The following SFI1 variants were observed in gnomAD, a reference collection of about 807,000 sequenced individuals.
The protein encoded by SFI1 is SFI1 centrin binding protein.
In SFI1, 195 loss-of-function variants were observed where a neutral mutation model predicts 207.5. The observed-to-expected ratio is 0.94, with a 90% CI of 0.84 to 1.06. The LOEUF (loss-of-function observed/expected upper bound fraction) is 1.06, where lower values mean the gene tolerates loss of function less well. SFI1 is among the 50% of genes least tolerant of loss of function. The pLI is 0.00. For missense variants in SFI1, 1,634 were observed against 1,588.0 expected, an observed-to-expected ratio of 1.03 and a Z score of -0.49; for synonymous variants, 630 against 598.9, an observed-to-expected ratio of 1.05 and a Z score of -0.76.
chr22:31,584,968 G>A (rs1223685964), intron 13 of SFI1, 100 bp from the exon 14 acceptor site: 23 of 833,700 alleles, frequency 2.8e-5, no homozygotes, highest in Non-Finnish European at 4.0e-5. Context: ...AGCCCATGGG[G>A]TGCCTTTAAC....
In SFI1 at chr22:31,613,463, G is replaced by A. The variant is rs749414365; in HGVS notation, c.2675G>A (p.Arg892Gln). The A allele has an allele frequency of 8.1e-5, 130 of 1,604,174 alleles. No homozygotes were observed. The highest frequency in any genetic ancestry group is 1.0e-4 in the Non-Finnish European group (123 of 1,178,964). The change falls in exon 26 of 33, where the codon CGG becomes CAG. Residue 892 changes from arginine (R) to glutamine (Q), a missense_variant. Transcript: ENST00000400288. ...CAGCTCCTCCAGGAGGGTGCCACGC[G>A]GCTCCTGCGCTTTGCAGCCAGCATG... is the stretch of plus-strand genomic sequence containing the variant. ...QGQLLQEGAT[R>Q]LLRFAASMKA... is the part of the protein sequence containing the mutation.
intron 15 of SFI1, among the ~76,000 whole-genome samples, chr22:31,594,854 CAAAAAA>C (rs67157514): frequency 4.2e-4 from 32 of 76,772 alleles, no homozygotes; most frequent in Admixed American, 5.2e-4. Context: ...GACTCTGTCT[CAAAAAA>C]AAAAAAAAAA....
At chr22:31,507,325 C>G (rs533232901) in intron 1 of SFI1, among the ~76,000 whole-genome samples, 1 of 152,166 alleles carries the variant, frequency 6.6e-6, no homozygotes, top group East Asian at 1.9e-4. Context: ...AAGCTGGACC[C>G]CTTCTTTACA....
chr22:31,571,796 TAATA>T (rs975439151), intron 8 of SFI1, among the ~76,000 whole-genome samples: 1 of 152,204 alleles, frequency 6.6e-6, no homozygotes, highest in Non-Finnish European at 1.5e-5. Flanking sequence ...AATATTGATA[TAATA>T]TATAACATGC....
At position 31,614,848 on chromosome 22, in the gene SFI1, C is replaced by G. The variant is rs200146787; in HGVS notation, c.3056C>G (p.Ala1019Gly). 6.2e-7 allele frequency: 1 copy of G among 1,613,640 alleles called. No individual in the cohort carries two copies. The highest frequency in any genetic ancestry group is 1.7e-5 in the Admixed American group (1 of 59,980). The part of the protein sequence containing the change: ...PRRPHFLLEP[A>G]QSQRPQKPQE... ...CGCCCACACTTCCTGTTGGAGCCTG[C>G]GCAGAGCCAGAGGTCCCTGGGGTGC... The change falls in exon 28 of 33, where the codon GCG becomes GGG. Residue 1019 changes from alanine (A) to glycine (G), a missense_variant. By Grantham distance (60) the Ala-to-Gly change is moderately conservative. Transcript: ENST00000400288.
intron 11 of SFI1, among the ~76,000 whole-genome samples, chr22:31,578,884 C>T (rs563750714): frequency 1.2e-4 from 19 of 152,230 alleles, no homozygotes; most frequent in Middle Eastern, 3.4e-3. Flanking sequence ...AAGCACAGTA[C>T]GAAAACCCCT....
At chr22:31,602,919 C>T (rs1212181363) in intron 17 of SFI1, 134 bp downstream of exon 17, 23 of 1,065,712 alleles carry the variant, frequency 2.2e-5, no homozygotes, top group Non-Finnish European at 2.2e-5. Flanking sequence ...TCTGGAAGTT[C>T]AACCTAAAAG....
intron 6 of SFI1, among the ~76,000 whole-genome samples, chr22:31,556,646 G>A (rs778511956): frequency 2.6e-5 from 4 of 151,988 alleles, no homozygotes; most frequent in African/African-American, 7.3e-5. Flanking sequence ...ATATCATTTC[G>A]TCTAAAAATT....
intron 24 of SFI1, chr22:31,612,378 T>TGAAAAAAAAAAAAAA (rs1220311850): frequency 1.6e-5 from 1 of 62,264 alleles, no homozygotes; most frequent in African/African-American, 9.2e-5. Flanking sequence ...AGACTCTGTC[T>TGAAAAAAAAAAAAAA]AAAAAAAAAA....
intron 2 of SFI1, among the ~76,000 whole-genome samples, chr22:31,515,358 C>CT (rs971304407): frequency 2.1e-3 from 316 of 148,444 alleles, no homozygotes; most frequent in Non-Finnish European, 1.9e-3. Flanking sequence ...TTTTCTTTTT[C>CT]TTTTTTTTGG....
intron 2 of SFI1, among the ~76,000 whole-genome samples, chr22:31,527,190 C>T (rs2058017532): frequency 6.6e-6 from 1 of 152,178 alleles, no homozygotes; most frequent in South Asian, 2.1e-4. Flanking sequence ...AGCCACTGTA[C>T]CTGGCTGAGA....
At chr22:31,592,837 G>C (rs1205009328) in intron 15 of SFI1, among the ~76,000 whole-genome samples, 1 of 133,668 alleles carries the variant, frequency 7.5e-6, no homozygotes, top group Non-Finnish European at 1.6e-5. Flanking sequence ...CCCGGACGGG[G>C]CGGCTGGCCA....
chr22:31,603,794 G>A lies in SFI1; in HGVS notation c.1856G>A (p.Arg619His), dbSNP rs769739523. Reference sequence around the variant, plus strand: ...GAATTCCACATGGCCCAGCTCCTGCGTTGGGCCTGGAGCCAGTGGAGGGAG... The same window carrying A: ...GAATTCCACATGGCCCAGCTCCTGCATTGGGCCTGGAGCCAGTGGAGGGAG... The part of the protein sequence containing the change: ...AAEFHMAQLL[R>H]WAWSQWRECL... Residue 619 changes from arginine to histidine, a missense_variant, in exon 18 of 33, where the codon CGT becomes CAT. By Grantham distance (29) the Arg-to-His change is conservative. Transcript: ENST00000400288. The A allele has an allele frequency of 1.3e-5, 20 of 1,559,322 alleles. No homozygotes were observed. The highest frequency in any genetic ancestry group is 7.1e-5 in the African/African-American group (5 of 70,574).
At chr22:31,508,030 C>T (rs564784721) in intron 1 of SFI1, among the ~76,000 whole-genome samples, 6 of 151,896 alleles carry the variant, frequency 4.0e-5, no homozygotes, top group South Asian at 2.1e-4. Context: ...GAGCTGAGAT[C>T]GTGCCACTGC....
At chr22:31,593,058 A>T in intron 15 of SFI1, among the ~76,000 whole-genome samples, 4 of 125,474 alleles carry the variant, frequency 3.2e-5, no homozygotes, top group African/African-American at 1.2e-4. Context: ...TCCCTCCCGG[A>T]CGGCACGGCT....
At chr22:31,568,214 ATATATATATATATT>A (rs1569334237) in intron 8 of SFI1, among the ~76,000 whole-genome samples, 3 of 111,224 alleles carry the variant, frequency 2.7e-5, no homozygotes, top group Admixed American at 9.6e-5. Flanking sequence ...GTGTGTGTAT[ATATATATATATATT>A]TTTTTTTTTT....
At chr22:31,516,401 T>A (rs891236731) in intron 2 of SFI1, among the ~76,000 whole-genome samples, 1 of 150,822 alleles carries the variant, frequency 6.6e-6, no homozygotes, top group Admixed American at 6.6e-5. Context: ...TAGTCCCAGC[T>A]ACTTGGGGGG....
At chr22:31,606,066 G>C (rs2068914225) in intron 20 of SFI1, 1 of 440,896 alleles carries the variant, frequency 2.3e-6, no homozygotes, top group Non-Finnish European at 4.1e-6. Context: ...GTTATGCCCT[G>C]TTATCCCCGT....
chr22:31,506,352 A>G (rs2146549664), intron 1 of SFI1, among the ~76,000 whole-genome samples: 1 of 152,170 alleles, frequency 6.6e-6, no homozygotes, highest in African/African-American at 2.4e-5. Flanking sequence ...CTGGCCAGAA[A>G]TTCTGTCTTT....
Sources: gnomAD v4.1 joint callset for allele counts (sites outside exome capture counted in the v4.1 genomes callset) on GRCh38, gnomAD v4.1.1 for gene constraint, MANE v1.5 for transcripts, NCBI Gene and HGNC (gene_info 2026-07-23, HGNC 2026-07-21) for gene names.